Variants in SEC14L5 observed in about 807,000 individuals in gnomAD.
SEC14L5 encodes SEC14 like lipid binding 5, also known as SEC14-like protein 5.
Under a neutral mutation model 84.6 loss-of-function variants are expected in SEC14L5, and 96 were observed. That is an observed-to-expected ratio of 1.13 (90% CI 0.96 to 1.34). The LOEUF (loss-of-function observed/expected upper bound fraction) is 1.34. Among genes scored for constraint, SEC14L5 ranks in the 40% most tolerant of loss-of-function variants. The pLI is 0.00. For missense variants in SEC14L5, 1,224 were observed against 942.5 expected (o/e 1.30, Z -3.91); for synonymous variants, 546 against 383.4 (o/e 1.42, Z -4.95).
intron 15 of SEC14L5, among the ~76,000 whole-genome samples, chr16:5,013,417 C>T (rs753254129): frequency 2.9e-4 from 44 of 152,034 alleles, no homozygotes; most frequent in Non-Finnish European, 5.0e-4. Flanking sequence ...GACAGAGTCT[C>T]GCTCTGTTAC....
At chr16:4,999,304 G>A (rs1197945922) in intron 8 of SEC14L5, among the ~76,000 whole-genome samples, 1 of 152,060 alleles carries the variant, frequency 6.6e-6, no homozygotes, top group African/African-American at 2.4e-5. Flanking sequence ...GCATTCAAGT[G>A]TCCTTAAACA....
intron 5 of SEC14L5, among the ~76,000 whole-genome samples, chr16:4,991,147 G>C (rs979105536): frequency 7.3e-6 from 1 of 136,350 alleles, no homozygotes; most frequent in Non-Finnish European, 1.6e-5. Context: ...CTGGACAACA[G>C]ATAATTCTGT....
At position 4,990,900 on chromosome 16, in the gene SEC14L5, G is replaced by C. The variant is rs745729954; in HGVS notation, c.474+5G>C. 1 of 1,570,968 alleles carries C rather than the reference G, an allele frequency of 6.4e-7. No homozygotes were observed. The highest frequency in any genetic ancestry group is 1.4e-5 in the African/African-American group (1 of 73,650). Reference sequence around the variant, plus strand: ...TACACCGCCAACGTCAAGAGGGTAAGCGGTGGGTTGCGTTAGTTACTGGAG... The same window carrying C: ...TACACCGCCAACGTCAAGAGGGTAACCGGTGGGTTGCGTTAGTTACTGGAG... On this transcript the variant is annotated splice_donor_5th_base_variant and intron_variant, in intron 5 of 15. Transcript: ENST00000251170.
At chr16:5,008,336 C>G in intron 13 of SEC14L5, 85 bp from the exon 14 acceptor site, 1 of 980,502 alleles carries the variant, frequency 1.0e-6, no homozygotes, top group Non-Finnish European at 1.6e-6. Flanking sequence ...CCAGGGGGCA[C>G]CCACAGCCCC....
intron 2 of SEC14L5, among the ~76,000 whole-genome samples, chr16:4,971,037 G>C (rs1955271204): frequency 6.6e-6 from 1 of 151,464 alleles, no homozygotes; most frequent in South Asian, 2.1e-4. Flanking sequence ...GAACCGGGAG[G>C]TGGAGGATAC....
intron 13 of SEC14L5, among the ~76,000 whole-genome samples, chr16:5,007,693 C>T (rs1955748001): frequency 2.6e-5 from 4 of 151,308 alleles, no homozygotes; most frequent in Admixed American, 1.3e-4. Flanking sequence ...GCAACCTCCA[C>T]CTCCCAGGTT....
Position 4,987,724 on chromosome 16 carries a change from TG to T in SEC14L5, c.213+24del, listed in dbSNP as rs554756674. The T allele has an allele frequency of 7.8e-6, 11 of 1,412,538 alleles. No individual in the cohort carries two copies. Among genetic ancestry groups the T allele is most frequent in the Admixed American group, 7.5e-5 (3 of 39,876 alleles). 87.5% of individuals were successfully genotyped at this position (1,412,538 alleles called of 1,614,324 possible). A position where few individuals can be genotyped will look rare whatever the true frequency, so the allele number is the denominator to read the frequency against. ...TGCGGAAGGTGGGCGGCCCTGGGGCTGGGGGGCGGAGGAGGGGACCTGTTGC... is the reference window on the plus strand; with the variant it reads ...TGCGGAAGGTGGGCGGCCCTGGGGCTGGGGGCGGAGGAGGGGACCTGTTGC... On this transcript the variant is annotated intron_variant, in intron 3 of 15. Coordinates refer to ENST00000251170, the MANE Select transcript of SEC14L5 (RefSeq NM_014692.2).
Position 5,006,010 on chromosome 16 carries a change from A to G in SEC14L5, c.1399A>G (p.Arg467Gly), listed in dbSNP as rs1277936308. The G allele has an allele frequency of 1.9e-6, 3 of 1,613,664 alleles. No individual in the cohort carries two copies. The highest frequency in any genetic ancestry group is 1.1e-5 in the South Asian group (1 of 91,072). ...GPGGLVDYLD[R>G]EVIPDFLGGE... ...CGGAGGCCTTGTGGACTATCTGGAT[A>G]GAGAAGTGATCCCTGACTTCCTTGG... is the stretch of plus-strand genomic sequence containing the variant. Residue 467 changes from arginine to glycine, a missense_variant, in exon 12 of 16, where the codon AGA (arginine) becomes GGA (glycine). Arg to Gly is a moderately radical substitution (Grantham distance 125, BLOSUM62 -2). Coordinates refer to ENST00000251170, the MANE Select transcript of SEC14L5 (RefSeq NM_014692.2).
chr16:5,004,699 C>T (rs925298258), intron 11 of SEC14L5, among the ~76,000 whole-genome samples: 1 of 152,186 alleles, frequency 6.6e-6, no homozygotes, highest in African/African-American at 2.4e-5. Context: ...GCAGTTTCCT[C>T]ACCTATCTCT....
In SEC14L5 at chr16:4,988,234, A is replaced by C; in HGVS notation, c.299A>C (p.Glu100Ala). 6.2e-7 allele frequency: 1 copy of C among 1,613,790 alleles called. No individual in the cohort carries two copies. The highest frequency in any genetic ancestry group is 8.5e-7 in the Non-Finnish European group (1 of 1,179,762). ...ERTLLIEAHN[E>A]TFANRVVVNE... is the part of the protein sequence containing the mutation. ...ACGCTCCTCATCGAAGCGCACAATG[A>C]GACCTTCGCCAACCGCGTGGTGGTG... Residue 100 changes from glutamate (E) to alanine (A), a missense_variant, in exon 4 of 16, where the codon GAG becomes GCG. Transcript: ENST00000251170.
intron 2 of SEC14L5, among the ~76,000 whole-genome samples, chr16:4,961,388 G>C (rs929055095): frequency 1.3e-5 from 2 of 152,162 alleles, no homozygotes; most frequent in Non-Finnish European, 2.9e-5. Context: ...GAGTGCAGTG[G>C]TGCCATCTTG....
intron 2 of SEC14L5, among the ~76,000 whole-genome samples, chr16:4,968,492 T>G (rs547392840): frequency 3.9e-5 from 6 of 152,320 alleles, no homozygotes; most frequent in Admixed American, 2.0e-4. Flanking sequence ...CCTGGCTAAT[T>G]TTAAAAAATA....
At chr16:4,991,005 T>C (rs1049103349) in intron 5 of SEC14L5, 110 bp downstream of exon 5, 3 of 854,884 alleles carry the variant, frequency 3.5e-6, no homozygotes, top group Non-Finnish European at 3.4e-6. Context: ...CTCAGTGTTA[T>C]CTGTTAAATG....
chr16:4,997,056 C>T lies in SEC14L5; in HGVS notation c.970+12C>T, dbSNP rs373866407. 2 of 1,590,024 alleles carry T rather than the reference C, an allele frequency of 1.3e-6. No individual in the cohort carries two copies. Among genetic ancestry groups the T allele is most frequent in the African/African-American group, 1.3e-5 (1 of 74,090 alleles). On this transcript the variant is annotated intron_variant, in intron 8 of 15. Coordinates refer to ENST00000251170, the MANE Select transcript of SEC14L5 (RefSeq NM_014692.2). ...TTACCAGGACATAGGTGCGTGCCTC[C>T]ACCCACATCATGTATAGGGCATACT...
intron 14 of SEC14L5, among the ~76,000 whole-genome samples, chr16:5,009,060 C>T (rs968040046): frequency 1.3e-5 from 2 of 152,150 alleles, no homozygotes. Context: ...TTCACAAGTC[C>T]AAAACCAAGG....
intron 2 of SEC14L5, among the ~76,000 whole-genome samples, chr16:4,967,976 C>T (rs1431171444): frequency 7.5e-6 from 1 of 133,402 alleles, no homozygotes; most frequent in Non-Finnish European, 1.6e-5. Flanking sequence ...CCTCCCTTCC[C>T]CTCCCCTCTC....
rs1955076694 is a variant in SEC14L5, at chr16:4,958,381, C to T, written c.-116C>T. The T allele has an allele frequency of 6.5e-6, 1 of 152,688 alleles. No individual in the cohort carries two copies. The highest frequency in any genetic ancestry group is 1.5e-5 in the Non-Finnish European group (1 of 68,146). 9.5% of individuals were successfully genotyped at this position (152,688 alleles called of 1,614,324 possible). A position where few individuals can be genotyped will look rare whatever the true frequency, so the allele number is the denominator to read the frequency against. Reference sequence around the variant, plus strand: ...GCCCCTCCGGCCTTCCACAGCTGTCCTGGCCGCAGGGTGTTCAAGGCGGGA... The same window carrying T: ...GCCCCTCCGGCCTTCCACAGCTGTCTTGGCCGCAGGGTGTTCAAGGCGGGA... On this transcript the variant is annotated 5_prime_UTR_variant, in exon 1 of 16. Coordinates refer to ENST00000251170, the MANE Select transcript of SEC14L5 (RefSeq NM_014692.2).
chr16:5,007,606 C>CTT lies in SEC14L5; in HGVS notation c.1572+136_1572+137dup, dbSNP rs377374416. The stretch of plus-strand genomic sequence containing the variant: ...TTTTCTTTTCTTTCTTTCTTTCTTT[C>CTT]TTTTTTTTTTTTTTTTTGGGATGGA... On this transcript the variant is annotated intron_variant, in intron 13 of 15. Transcript: ENST00000251170. The CTT allele has an allele frequency of 3.6e-3, 2,003 of 561,544 alleles. 3 individuals carry two copies. Among genetic ancestry groups the CTT allele is most frequent in the Non-Finnish European group, 4.5e-3 (1,574 of 349,312 alleles). 34.8% of individuals were successfully genotyped at this position (561,544 alleles called of 1,614,324 possible). A position where few individuals can be genotyped will look rare whatever the true frequency, so the allele number is the denominator to read the frequency against.
At chr16:4,980,022 C>T (rs559790488) in intron 2 of SEC14L5, among the ~76,000 whole-genome samples, 2 of 152,154 alleles carry the variant, frequency 1.3e-5, no homozygotes, top group African/African-American at 2.4e-5. Context: ...TCAGGGTTGT[C>T]GTCTGGGTCA....
Sources: allele counts gnomAD v4.1 joint callset (sites outside exome capture counted in the v4.1 genomes callset), GRCh38; gene constraint gnomAD v4.1.1; transcripts MANE v1.5; gene names NCBI Gene and HGNC (gene_info 2026-07-23, HGNC 2026-07-21).